Variants in SPNS2 observed in about 807,000 individuals in gnomAD.
SPNS2 encodes SPNS lysolipid transporter 2, sphingosine-1-phosphate.
A neutral mutation model predicts 57.6 loss-of-function variants in SPNS2; 37 were observed. The observed-to-expected ratio is 0.64, with a 90% CI of 0.49 to 0.85. The LOEUF (loss-of-function observed/expected upper bound fraction) is 0.85, where lower values mean the gene tolerates loss of function less well. Ranked by LOEUF, SPNS2 falls within the 40% of genes least tolerant of loss-of-function variation. The probability of loss-of-function intolerance (pLI) is 0.00; values close to 1 mark genes in which losing one functional copy is unlikely to be tolerated. For synonymous variants in SPNS2, 440 were observed against 346.9 expected, an observed-to-expected ratio of 1.27 and a Z score of -2.98; for missense variants, 831 against 779.1, an observed-to-expected ratio of 1.07 and a Z score of -0.79.
In SPNS2 at chr17:4,536,291, A is replaced by G. The variant is rs927180541; in HGVS notation, c.1472A>G (p.Lys491Arg). Residue 491 changes from lysine to arginine, a missense_variant, in exon 11 of 13, where the codon AAG (lysine) becomes AGG (arginine). Physicochemically the swap from Lys to Arg is conservative, Grantham distance 26. Around this residue, in one of 2 missense-constraint regions of SPNS2, gnomAD observed 526 missense variants for 400.9 expected, o/e 1.31. Coordinates refer to ENST00000329078, the MANE Select transcript of SPNS2 (RefSeq NM_001124758.3). ...FISDLIRQST[K>R]DSPLWEFLSL... is the part of the protein sequence containing the mutation. The stretch of plus-strand genomic sequence containing the variant: ...TCAGACCTGATCCGCCAGAGCACTA[A>G]GGACTCCCCGCTCTGGGAGTTCCTG... The G allele has an allele frequency of 3.1e-6, 5 of 1,612,588 alleles. No homozygotes were observed. The African/African-American group carries it at 5.3e-5, about 17-fold the overall frequency.
Position 4,536,162 on chromosome 17 carries a change from C to T in SPNS2, c.1431C>T (p.Tyr477=), listed in dbSNP as rs1905780409. Residue 477 remains tyrosine, a synonymous_variant, in exon 10 of 13, where the codon TAC becomes TAT. Coordinates refer to ENST00000329078, the MANE Select transcript of SPNS2 (RefSeq NM_001124758.3). ...TGCTGGGGGACGCCGGGAGCCCCTACCTCATTGGCTTTGTGAGTAGCCCCG... is the reference window on the plus strand; with the variant it reads ...TGCTGGGGGACGCCGGGAGCCCCTATCTCATTGGCTTTGTGAGTAGCCCCG... The part of the protein sequence containing the change: ...SHLLGDAGSP[Y]LIGFISDLIR... 1 of 1,612,078 alleles carries T rather than the reference C, an allele frequency of 6.2e-7. No individual in the cohort carries two copies. Among genetic ancestry groups the T allele is most frequent in the South Asian group, 1.1e-5 (1 of 91,062 alleles).
At chr17:4,515,995 G>C (rs4405606) in intron 2 of SPNS2, among the ~76,000 whole-genome samples, 68,303 of 151,754 alleles carry the variant, frequency 0.45, 16,802 homozygotes, top group East Asian at 0.85. Context: ...CATATCTCAG[G>C]CTCTCTGAAA....
intron 2 of SPNS2, among the ~76,000 whole-genome samples, chr17:4,516,342 AAC>A (rs1204357077): frequency 2.9e-4 from 13 of 44,454 alleles, no homozygotes; most frequent in African/African-American, 5.4e-4. Flanking sequence ...AAAAAAAAAA[AAC>A]AAAAAAACCG....
chr17:4,534,758 C>T (rs1296948445), intron 9 of SPNS2, among the ~76,000 whole-genome samples: 7 of 152,006 alleles, frequency 4.6e-5, no homozygotes, highest in South Asian at 2.1e-4. Context: ...AGAGCCTCAG[C>T]ACGGAGCCAG....
chr17:4,535,458 C>T (rs145850547), intron 9 of SPNS2, among the ~76,000 whole-genome samples: 171 of 152,230 alleles, frequency 1.1e-3, no homozygotes, highest in Non-Finnish European at 2.1e-3. Flanking sequence ...CAGGTTCCCT[C>T]GGGAACATGT....
At chr17:4,536,452 G>A (rs1357214217) in intron 11 of SPNS2, 26 bp downstream of exon 11, 4 of 1,581,388 alleles carry the variant, frequency 2.5e-6, no homozygotes, top group Non-Finnish European at 3.4e-6. Flanking sequence ...GGGAGGCCCT[G>A]CTGCACCGCC....
chr17:4,533,651 C>A, intron 8 of SPNS2, 137 bp from the exon 9 acceptor site: 1 of 1,086,810 alleles, frequency 9.2e-7, no homozygotes. Flanking sequence ...CTCTGGATAG[C>A]CCATGAATGG....
intron 1 of SPNS2, among the ~76,000 whole-genome samples, chr17:4,509,787 C>T (rs1388005677): frequency 1.3e-5 from 2 of 152,244 alleles, no homozygotes; most frequent in African/African-American, 2.4e-5. Context: ...GGCTAGGAGA[C>T]GATTCCAGCT....
chr17:4,518,157 G>A (rs1324846320), intron 2 of SPNS2, among the ~76,000 whole-genome samples: 4 of 152,228 alleles, frequency 2.6e-5, no homozygotes, highest in Non-Finnish European at 5.9e-5. Context: ...TGAAGGCCAA[G>A]ATAAGGCATG....
intron 2 of SPNS2, among the ~76,000 whole-genome samples, chr17:4,514,629 G>C (rs907986746): frequency 6.6e-6 from 1 of 152,170 alleles, no homozygotes; most frequent in East Asian, 1.9e-4. Flanking sequence ...AGGTGGCCAG[G>C]TCCCTGCCCT....
chr17:4,499,508 T>C lies in SPNS2; in HGVS notation c.370+91T>C, dbSNP rs184566. On this transcript the variant is annotated intron_variant, in intron 1 of 12. Transcript: ENST00000329078. This position sits in a 1 kb window ranked among gnomAD's most constrained non-coding sequence, Gnocchi z 5.2. ...GAGGTACCCCAGAGAGCTTTTGGTC[T>C]CAGGCCTGCTATCTCCAGGCCCTAC... 1 allele frequency: 869,009 copies of C among 869,352 alleles called. 434,333 individuals carry two copies. Among genetic ancestry groups the C allele is most frequent in the Non-Finnish European group, 1 (629,719 of 629,742 alleles). The allele number at this position is 869,352 out of a possible 1,614,324, so 53.9% of individuals were successfully genotyped here. A position where few individuals can be genotyped will look rare whatever the true frequency, so the allele number is the denominator to read the frequency against.
intron 11 of SPNS2, chr17:4,536,641 G>A (rs1466830222): frequency 2.9e-6 from 2 of 690,554 alleles, no homozygotes; most frequent in South Asian, 3.8e-5. Context: ...TCCAGACTTG[G>A]GTTTGTCTCT....
intron 2 of SPNS2, among the ~76,000 whole-genome samples, chr17:4,523,661 G>A (rs770619219): frequency 6.6e-6 from 1 of 152,104 alleles, no homozygotes; most frequent in Non-Finnish European, 1.5e-5. Context: ...CCAGCTACTC[G>A]TGAGGCTGAG....
intron 9 of SPNS2, 132 bp downstream of exon 9, chr17:4,533,985 A>C: frequency 1.2e-6 from 1 of 856,704 alleles, no homozygotes; most frequent in Admixed American, 2.0e-5. Flanking sequence ...ACGTGAACCC[A>C]GAGGCAGGGA....
intron 2 of SPNS2, among the ~76,000 whole-genome samples, chr17:4,517,877 C>T (rs543340886): frequency 2.0e-4 from 31 of 152,104 alleles, no homozygotes; most frequent in African/African-American, 7.5e-4. Context: ...TCGAAAATAC[C>T]AGAAGTGAAA....
In SPNS2 at chr17:4,504,379, C is replaced by A. The variant is rs372673660; in HGVS notation, c.370+4962C>A. ...GCTTCCTTTTCAAGGCACCTTCCAG[C>A]AGGCTCTGCCAGCCCCTCCGCTGTG... On this transcript the variant is annotated intron_variant, in intron 1 of 12. Coordinates refer to ENST00000329078, the MANE Select transcript of SPNS2 (RefSeq NM_001124758.3). Among the ~76,000 whole-genome samples, 48 of 152,392 alleles carry A rather than the reference C, an allele frequency of 3.1e-4. No homozygotes were observed. In the South Asian group the frequency reaches 3.7e-3, roughly 12 times the overall value.
At position 4,532,644 on chromosome 17, in the gene SPNS2, C is replaced by G. The variant is rs762439017; in HGVS notation, c.895C>G (p.Arg299Gly). 1.2e-6 allele frequency: 2 copies of G among 1,614,062 alleles called. No homozygotes were observed. The highest frequency in any genetic ancestry group is 1.7e-5 in the Admixed American group (1 of 60,028). ...CCAGCTCGGGGACCAGCTCAAGGCC[C>G]GGACCTCATGGCTCCGAGATATGAA... ...ADQLGDQLKARTSWLRDMKAL... is the reference protein window; with the variant it reads ...ADQLGDQLKAGTSWLRDMKAL... Residue 299 changes from arginine to glycine, a missense_variant, in exon 6 of 13, where the codon CGG (arginine) becomes GGG (glycine). By Grantham distance (125) the Arg-to-Gly change is moderately radical (BLOSUM62 -2). Around this residue, in one of 2 missense-constraint regions of SPNS2, gnomAD observed 526 missense variants for 400.9 expected, o/e 1.31. Transcript: ENST00000329078.
chr17:4,533,932 G>GGGGGGT, intron 9 of SPNS2, 79 bp downstream of exon 9: 1 of 916,412 alleles, frequency 1.1e-6, no homozygotes, highest in Admixed American at 1.8e-5. Flanking sequence ...GGGAGGGCGG[G>GGGGGGT]TGAAGGGGCG....
At chr17:4,529,988 G>C (rs552190707) in intron 3 of SPNS2, among the ~76,000 whole-genome samples, 62 of 152,314 alleles carry the variant, frequency 4.1e-4, no homozygotes, top group Admixed American at 9.1e-4. Context: ...GACCAGGCTG[G>C]GTTCTCAGGC....
Sources: allele counts gnomAD v4.1 joint callset (sites outside exome capture counted in the v4.1 genomes callset), GRCh38; gene constraint gnomAD v4.1.1; regional missense constraint gnomAD v4.1.1; non-coding constraint Gnocchi (gnomAD v3.1); transcripts MANE v1.5; gene names NCBI Gene and HGNC (gene_info 2026-07-23, HGNC 2026-07-21).